The following CRTAC1 variants were observed in gnomAD, a reference collection of about 807,000 sequenced individuals.
CRTAC1 encodes the protein acidic secreted protein in cartilage.
A neutral mutation model predicts 67.8 loss-of-function variants in CRTAC1; 37 were observed. The observed-to-expected ratio is 0.55, with a 90% confidence interval of 0.42 to 0.72. The LOEUF (loss-of-function observed/expected upper bound fraction) is 0.72, where lower values mean the gene tolerates loss of function less well. CRTAC1 is among the 30% of genes least tolerant of loss of function. The probability of loss-of-function intolerance (pLI) is 0.00; values close to 1 mark genes in which losing one functional copy is unlikely to be tolerated. For missense variants in CRTAC1, 780 were observed against 931.6 expected (o/e 0.84, Z 2.12); for synonymous variants, 348 against 371.0 (o/e 0.94, Z 0.71).
At chr10:97,945,977 G>A (rs1469792744) in intron 2 of CRTAC1, among the ~76,000 whole-genome samples, 1 of 152,098 alleles carries the variant, frequency 6.6e-6, no homozygotes, top group Non-Finnish European at 1.5e-5. Context: ...ATTTTCATGA[G>A]CATAGAGGCA....
intron 2 of CRTAC1, among the ~76,000 whole-genome samples, chr10:97,997,937 G>A (rs1032912616): frequency 6.6e-6 from 1 of 152,176 alleles, no homozygotes; most frequent in African/African-American, 2.4e-5. Flanking sequence ...TCTGAGTAGA[G>A]TCCCAAAAGG....
chr10:97,915,932 G>A (rs1034273905), intron 5 of CRTAC1, among the ~76,000 whole-genome samples: 1 of 151,800 alleles, frequency 6.6e-6, no homozygotes, highest in Non-Finnish European at 1.5e-5. Context: ...CAGCCCAGCC[G>A]GCACAGTTGG....
intron 11 of CRTAC1, among the ~76,000 whole-genome samples, chr10:97,889,001 C>T (rs2136547256): frequency 6.6e-6 from 1 of 152,120 alleles, no homozygotes; most frequent in East Asian, 1.9e-4. Context: ...ATTTCCCTTC[C>T]CTAAATGAGC....
intron 2 of CRTAC1, among the ~76,000 whole-genome samples, chr10:97,960,853 A>G (rs1262983880): frequency 1.3e-5 from 2 of 152,250 alleles, no homozygotes; most frequent in Non-Finnish European, 2.9e-5. Flanking sequence ...CTTGCAGGGA[A>G]ACAAGGGTAG....
intron 2 of CRTAC1, among the ~76,000 whole-genome samples, chr10:97,994,615 G>C (rs1005151507): frequency 6.6e-6 from 1 of 152,162 alleles, no homozygotes; most frequent in African/African-American, 2.4e-5. Flanking sequence ...ATTCTCTCAG[G>C]TTCCTCCATG....
chr10:98,003,463 C>G (rs1842731100), intron 2 of CRTAC1, among the ~76,000 whole-genome samples: 1 of 152,170 alleles, frequency 6.6e-6, no homozygotes, highest in Admixed American at 6.5e-5. Context: ...TGGAGGCCGC[C>G]CACATTCCTC....
intron 2 of CRTAC1, among the ~76,000 whole-genome samples, chr10:97,999,291 G>T (rs1433290639): frequency 6.6e-6 from 1 of 152,210 alleles, no homozygotes; most frequent in Admixed American, 6.5e-5. Flanking sequence ...TGGGGGCCTG[G>T]GAAGGCCCCC....
intron 1 of CRTAC1, among the ~76,000 whole-genome samples, chr10:98,025,024 G>A (rs969500608): frequency 2.0e-5 from 3 of 152,006 alleles, no homozygotes; most frequent in African/African-American, 4.8e-5. Context: ...TGGGTAAAAC[G>A]GTCTCAGGAG....
At chr10:97,904,946 G>A (rs2136570529) in intron 6 of CRTAC1, 132 bp from the exon 7 acceptor site, 2 of 1,070,214 alleles carry the variant, frequency 1.9e-6, no homozygotes, top group South Asian at 2.1e-5. Context: ...AGATACGGGA[G>A]ACATAGCTGC....
chr10:97,895,902 C>G lies in CRTAC1; in HGVS notation c.1300G>C (p.Val434Leu). 5 of 1,613,206 alleles carry G rather than the reference C, an allele frequency of 3.1e-6. No individual in the cohort carries two copies. The highest frequency in any genetic ancestry group is 4.2e-6 in the Non-Finnish European group (5 of 1,179,262). Residue 434 changes from valine to leucine, a missense_variant, in exon 10 of 15, where the codon GTC (valine) becomes CTC (leucine). Coordinates refer to ENST00000370597, the MANE Select transcript of CRTAC1 (RefSeq NM_018058.7). The surrounding 1 kb of genome is among the most constrained non-coding windows in gnomAD (Gnocchi z 4.2). ...TAGCGCACCTGATTGCCCCGGAAGACGGACAGCGGCTGAGCCATGGACTCT... is the reference window on the plus strand; with the variant it reads ...TAGCGCACCTGATTGCCCCGGAAGAGGGACAGCGGCTGAGCCATGGACTCT... Reference protein sequence around the residue: ...HGESMAQPLSVFRGNQGFNNN... With the variant: ...HGESMAQPLSLFRGNQGFNNN...
At chr10:97,903,478 TGAGTCTCAAGCCTTAGCAGG>T (rs2050569331) in intron 7 of CRTAC1, among the ~76,000 whole-genome samples, 2 of 151,752 alleles carry the variant, frequency 1.3e-5, no homozygotes, top group Non-Finnish European at 2.9e-5. Context: ...CCAGGGAGCC[TGAGTCTCAAGCCTTAGCAGG>T]GAGGGAGTGG....
At chr10:98,002,306 C>A (rs1842705790) in intron 2 of CRTAC1, among the ~76,000 whole-genome samples, 1 of 152,184 alleles carries the variant, frequency 6.6e-6, no homozygotes, top group Non-Finnish European at 1.5e-5. Flanking sequence ...TATAAATACT[C>A]TTCACTACTT....
At chr10:97,871,112 TAGG>T (rs1204148166) in intron 14 of CRTAC1, 2 of 152,200 alleles carry the variant, frequency 1.3e-5, no homozygotes, top group Non-Finnish European at 2.9e-5. Context: ...GGGCGACTTC[TAGG>T]AGGATTTATT....
intron 1 of CRTAC1, among the ~76,000 whole-genome samples, chr10:98,016,879 G>A (rs1427113593): frequency 2.0e-5 from 3 of 150,254 alleles, no homozygotes; most frequent in Middle Eastern, 3.4e-3. Context: ...TGTCAGAGGA[G>A]GAGGGGGGAT....
chr10:97,908,087 T>A lies in CRTAC1; in HGVS notation c.776A>T (p.Asp259Val), dbSNP rs778924441. 1 of 1,614,170 alleles carries A rather than the reference T, an allele frequency of 6.2e-7. No homozygotes were observed. The highest frequency in any genetic ancestry group is 8.5e-7 in the Non-Finnish European group (1 of 1,180,024). ...LSSSASDIFC[D>V]NENGPNFLFH... ...AAGGAAGTTAGGCCCATTCTCATTG[T>A]CGCAGAAGATATCCGAGGCACTGCT... Residue 259 changes from aspartate to valine, a missense_variant, in exon 6 of 15, where the codon GAC becomes GTC. Asp to Val is a radical substitution (Grantham distance 152). Coordinates refer to ENST00000370597, the MANE Select transcript of CRTAC1 (RefSeq NM_018058.7).
chr10:97,867,506 A>G lies in CRTAC1; in HGVS notation c.1820-1792T>C, dbSNP rs964991041. ...CCCAGAGACCAGAGAGAGTCAGCCT[A>G]GTCCTTGCAGCCTCAGGAAGTCCTC... is the stretch of plus-strand genomic sequence containing the variant. On this transcript the variant is annotated intron_variant, in intron 14 of 14. Transcript: ENST00000370597. The G allele has an allele frequency of 9.8e-5, 15 of 152,430 alleles. No individual in the cohort carries two copies. In the East Asian group the frequency reaches 1.5e-3, roughly 16 times the overall value. The allele number at this position is 152,430 out of a possible 1,614,324, so 9.4% of individuals were successfully genotyped here. A position where few individuals can be genotyped will look rare whatever the true frequency, so the allele number is the denominator to read the frequency against.
At chr10:97,878,479 G>T in intron 14 of CRTAC1, 1 of 630,658 alleles carries the variant, frequency 1.6e-6, no homozygotes, top group Non-Finnish European at 2.2e-6. Flanking sequence ...GTTTTTAAAA[G>T]GGTTGCTGCA....
chr10:97,920,331 T>C (rs768049370), intron 4 of CRTAC1, among the ~76,000 whole-genome samples: 2 of 152,226 alleles, frequency 1.3e-5, no homozygotes, highest in African/African-American at 4.8e-5. Context: ...CGCAGATGTG[T>C]TACGGTTGTA....
chr10:98,012,764 T>A (rs525651), intron 1 of CRTAC1, among the ~76,000 whole-genome samples: 74,497 of 151,748 alleles, frequency 0.49, 18,772 homozygotes, highest in Non-Finnish European at 0.55. Context: ...GGCTGGGGAG[T>A]GACACAGGGG....
Sources: allele counts gnomAD v4.1 joint callset (sites outside exome capture counted in the v4.1 genomes callset), GRCh38; gene constraint gnomAD v4.1.1; non-coding constraint Gnocchi (gnomAD v3.1); transcripts MANE v1.5; gene names NCBI Gene and HGNC (gene_info 2026-07-23, HGNC 2026-07-21).